GPD2: variants seen among roughly 807,000 people sequenced by gnomAD.
GPD2 encodes glycerol-3-phosphate dehydrogenase 2.
In GPD2, 54 loss-of-function variants were observed where a neutral mutation model predicts 82.4. The observed-to-expected ratio is 0.66, with a 90% confidence interval of 0.53 to 0.82. The LOEUF (loss-of-function observed/expected upper bound fraction) is 0.82, where lower values mean the gene tolerates loss of function less well. Ranked by LOEUF, GPD2 falls within the 40% of genes least tolerant of loss-of-function variation. The pLI, the probability that GPD2 is intolerant of heterozygous loss-of-function variation, is 0.00. For synonymous variants in GPD2, 288 were observed against 306.1 expected (o/e 0.94, Z 0.62); for missense variants, 748 against 896.2 (o/e 0.83, Z 2.11).
chr2:156,551,592 C>T lies in GPD2; in HGVS notation c.971+846C>T, dbSNP rs140575498. Among the ~76,000 whole-genome samples the T allele has an allele frequency of 9.8e-3, 1,495 of 152,198 alleles. 7 individuals are homozygous for T. Among genetic ancestry groups the T allele is most frequent in the Non-Finnish European group, 0.012 (810 of 67,994 alleles). On this transcript the variant is annotated intron_variant, in intron 8 of 16. Coordinates refer to ENST00000438166, the MANE Select transcript of GPD2 (RefSeq NM_000408.5). ...ATAATGACTTATGTGCAACAGTATTCATTATGGCATTGTTTGTAGTTGAGA... is the reference window on the plus strand; with the variant it reads ...ATAATGACTTATGTGCAACAGTATTTATTATGGCATTGTTTGTAGTTGAGA...
chr2:156,566,376 T>C (rs902892531), intron 9 of GPD2, among the ~76,000 whole-genome samples: 1 of 152,060 alleles, frequency 6.6e-6, no homozygotes, highest in Admixed American at 6.6e-5. Flanking sequence ...TAGTAACTCT[T>C]ATTCCCCCTC....
chr2:156,500,534 A>T (rs765191555), intron 3 of GPD2, among the ~76,000 whole-genome samples: 3 of 152,198 alleles, frequency 2.0e-5, no homozygotes, highest in African/African-American at 4.8e-5. Flanking sequence ...TCCTGATTGT[A>T]TCCATTAATC....
At chr2:156,418,034 G>A in the GPD2 span, among the ~76,000 whole-genome samples, 2 of 151,704 alleles carry the variant, frequency 1.3e-5, no homozygotes, top group Non-Finnish European at 2.9e-5. Context: ...GGCCAATATG[G>A]TGAAACCCCA....
At chr2:156,579,489 C>G (rs1255854432) in intron 15 of GPD2, among the ~76,000 whole-genome samples, 1 of 151,572 alleles carries the variant, frequency 6.6e-6, no homozygotes, top group Non-Finnish European at 1.5e-5. Context: ...CCACCATGCC[C>G]GGCTAATTTT....
At chr2:156,529,637 A>G (rs1327795956) in intron 6 of GPD2, among the ~76,000 whole-genome samples, 3 of 151,830 alleles carry the variant, frequency 2.0e-5, no homozygotes, top group African/African-American at 2.4e-5. Context: ...GAAGGGATCC[A>G]GTTTCAGCTT....
At chr2:156,477,986 T>G (rs1292997830) in intron 2 of GPD2, among the ~76,000 whole-genome samples, 1 of 152,214 alleles carries the variant, frequency 6.6e-6, no homozygotes, top group African/African-American at 2.4e-5. Flanking sequence ...TCTAATATGA[T>G]GAGTTGTTGC....
intron 1 of GPD2, among the ~76,000 whole-genome samples, chr2:156,465,365 T>C (rs10804320): frequency 0.18 from 3,523 of 19,748 alleles, 70 homozygotes; most frequent in South Asian, 0.29. Context: ...TTCTTTCTTT[T>C]TTTTTTTTTT....
chr2:156,565,002 G>A (rs1687328659), intron 9 of GPD2, among the ~76,000 whole-genome samples: 3 of 152,086 alleles, frequency 2.0e-5, no homozygotes, highest in African/African-American at 7.2e-5. Context: ...GTTCCTGGAT[G>A]AATGAAAAAC....
At chr2:156,475,590 C>A (rs543120473) in intron 1 of GPD2, among the ~76,000 whole-genome samples, 1 of 152,234 alleles carries the variant, frequency 6.6e-6, no homozygotes, top group African/African-American at 2.4e-5. Context: ...GTGAAAACTT[C>A]ATTAGAAAGG....
chr2:156,488,629 TA>T (rs1206098420), intron 2 of GPD2, among the ~76,000 whole-genome samples: 2 of 152,124 alleles, frequency 1.3e-5, no homozygotes, highest in Non-Finnish European at 2.9e-5. Flanking sequence ...TTTTTTTTTT[TA>T]ATTTGCAAGT....
At chr2:156,435,619 G>A (rs149099036), upstream of GPD2, 2,264 of 152,382 alleles carry the variant, frequency 0.015, 61 homozygotes, top group Admixed American at 0.069. Flanking sequence ...TTCAGGCGGG[G>A]AGCCAGGAGG....
intron 16 of GPD2, among the ~76,000 whole-genome samples, chr2:156,581,961 G>GTA (rs1317537924): frequency 1.1e-4 from 17 of 151,692 alleles, no homozygotes; most frequent in Admixed American, 2.0e-4. Context: ...GTGTGTGTGT[G>GTA]TATATATATA....
At chr2:156,576,601 G>C (rs1238026286) in intron 13 of GPD2, among the ~76,000 whole-genome samples, 1 of 152,180 alleles carries the variant, frequency 6.6e-6, no homozygotes, top group Non-Finnish European at 1.5e-5. Flanking sequence ...ACTTTCAGCA[G>C]TATTAAGTTA....
At chr2:156,555,644 A>G (rs1366187534) in intron 8 of GPD2, among the ~76,000 whole-genome samples, 2 of 152,242 alleles carry the variant, frequency 1.3e-5, no homozygotes, top group East Asian at 1.9e-4. Flanking sequence ...ATCAAAAAAT[A>G]TACTTAGAAA....
intron 1 of GPD2, among the ~76,000 whole-genome samples, chr2:156,445,518 C>T (rs1303122810): frequency 6.6e-6 from 1 of 152,146 alleles, no homozygotes; most frequent in African/African-American, 2.4e-5. Context: ...CACAGCATGC[C>T]TATAATGACA....
chr2:156,451,178 G>A (rs1219946979), intron 1 of GPD2, among the ~76,000 whole-genome samples: 1 of 151,944 alleles, frequency 6.6e-6, no homozygotes, highest in African/African-American at 2.4e-5. Context: ...GAGCTGCTGG[G>A]CACACCTCCC....
chr2:156,409,282 A>T, the GPD2 span, among the ~76,000 whole-genome samples: 1 of 152,246 alleles, frequency 6.6e-6, no homozygotes, highest in Non-Finnish European at 1.5e-5. Flanking sequence ...CAGTTAGGAT[A>T]CTATAGTCTT....
At chr2:156,415,911 C>T in the GPD2 span, among the ~76,000 whole-genome samples, 1 of 98,038 alleles carries the variant, frequency 1.0e-5, no homozygotes, top group Non-Finnish European at 2.6e-5. Flanking sequence ...ATCCCAGCTA[C>T]TTGGGAGGCT....
chr2:156,452,412 G>C (rs942705186), intron 1 of GPD2, among the ~76,000 whole-genome samples: 3 of 152,248 alleles, frequency 2.0e-5, no homozygotes, highest in African/African-American at 7.2e-5. Flanking sequence ...AAACCAGTCA[G>C]GCGCGGCGGC....
Sources: gnomAD v4.1 joint callset for allele counts (sites outside exome capture counted in the v4.1 genomes callset) on GRCh38, gnomAD v4.1.1 for gene constraint, MANE v1.5 for transcripts, NCBI Gene and HGNC (gene_info 2026-07-23, HGNC 2026-07-21) for gene names.